TRIM2: variants seen among roughly 807,000 people sequenced by gnomAD.
TRIM2 encodes the protein tripartite motif-containing protein 2.
In TRIM2, 20 loss-of-function variants were observed where a neutral mutation model predicts 75.2. The observed-to-expected ratio is 0.27, with a 90% CI of 0.19 to 0.39. TRIM2 has a LOEUF of 0.39. Among genes scored for constraint, TRIM2 ranks in the 10% least tolerant of loss-of-function variants. TRIM2 has a pLI of 1.00. For synonymous variants in TRIM2, 373 were observed against 388.3 expected (o/e 0.96, Z 0.46); for missense variants, 660 against 990.8 (o/e 0.67, Z 4.48).
chr4:153,310,360 C>T (rs1335033177), intron 6 of TRIM2: 1 of 152,138 alleles, frequency 6.6e-6, no homozygotes, highest in Non-Finnish European at 1.5e-5. Context: ...AGAGAAGAGA[C>T]TTTCTACAAA....
chr4:153,276,300 G>T lies in TRIM2; in HGVS notation c.453+170G>T, dbSNP rs976582919. The T allele has an allele frequency of 8.1e-6, 5 of 617,262 alleles. No homozygotes were observed. In the African/African-American group the frequency reaches 9.2e-5, roughly 11 times the overall value. 38.2% of individuals were successfully genotyped at this position (617,262 alleles called of 1,614,324 possible). A position where few individuals can be genotyped will look rare whatever the true frequency, so the allele number is the denominator to read the frequency against. On this transcript the variant is annotated intron_variant, in intron 3 of 11. Coordinates refer to ENST00000338700, the MANE Select transcript of TRIM2 (RefSeq NM_015271.5). ...ACTACCTGCTCACTTTCTTTGACCA[G>T]AACTATTTAAATAACGAAATCAATC...
upstream of TRIM2, among the ~76,000 whole-genome samples, chr4:153,200,841 C>G (rs918743751): frequency 6.7e-6 from 1 of 148,296 alleles, no homozygotes; most frequent in African/African-American, 2.5e-5. Context: ...TAATAGAGAC[C>G]GGGTCTCACC....
chr4:153,164,878 T>G (rs982909193), intron 1 of TRIM2, among the ~76,000 whole-genome samples: 1 of 152,234 alleles, frequency 6.6e-6, no homozygotes, highest in Non-Finnish European at 1.5e-5. Context: ...GTCAAGTAGT[T>G]TACTATAGTT....
intron 1 of TRIM2, among the ~76,000 whole-genome samples, chr4:153,269,568 A>G (rs1756115009): frequency 2.0e-5 from 3 of 152,222 alleles, no homozygotes; most frequent in Non-Finnish European, 4.4e-5. Context: ...ACATATTTTG[A>G]TGTGACACAG....
intron 1 of TRIM2, among the ~76,000 whole-genome samples, chr4:153,212,102 T>C (rs1486770157): frequency 6.6e-6 from 1 of 152,134 alleles, no homozygotes; most frequent in Admixed American, 6.5e-5. Context: ...GCTTCAACCC[T>C]TATGAGAAAT....
chr4:153,264,163 T>C (rs1754315782), intron 1 of TRIM2, among the ~76,000 whole-genome samples: 1 of 152,208 alleles, frequency 6.6e-6, no homozygotes, highest in Non-Finnish European at 1.5e-5. Flanking sequence ...AGCTTCTTTG[T>C]AAGAGGTCTT....
intron 6 of TRIM2, among the ~76,000 whole-genome samples, chr4:153,310,978 T>C (rs935805656): frequency 6.6e-6 from 1 of 152,220 alleles, no homozygotes; most frequent in Non-Finnish European, 1.5e-5. Context: ...ATGGAACCTC[T>C]TTCCAGCAGT....
intron 8 of TRIM2, among the ~76,000 whole-genome samples, chr4:153,317,666 A>T (rs1318738833): frequency 3.9e-5 from 6 of 151,974 alleles, no homozygotes; most frequent in Admixed American, 3.9e-4. Flanking sequence ...AAAAAAAAAA[A>T]AAAAGATCTA....
At chr4:153,328,223 G>A (rs1188060230) in intron 10 of TRIM2, among the ~76,000 whole-genome samples, 1 of 152,088 alleles carries the variant, frequency 6.6e-6, no homozygotes, top group Non-Finnish European at 1.5e-5. Flanking sequence ...GAAAATTATA[G>A]CACTTCTTAC....
intron 1 of TRIM2, among the ~76,000 whole-genome samples, chr4:153,198,000 A>C (rs1388999679): frequency 6.6e-6 from 1 of 152,242 alleles, no homozygotes; most frequent in Non-Finnish European, 1.5e-5. Context: ...ATCTGCCAGC[A>C]CTTTAATCTT....
chr4:153,194,149 G>A (rs114050737), intron 1 of TRIM2, among the ~76,000 whole-genome samples: 1,565 of 152,290 alleles, frequency 0.01, 23 homozygotes, highest in African/African-American at 0.029. Context: ...TGTAATTTAA[G>A]AGTGAGATGG....
chr4:153,316,535 T>C (rs761403141), intron 8 of TRIM2, among the ~76,000 whole-genome samples: 3 of 152,128 alleles, frequency 2.0e-5, no homozygotes, highest in Non-Finnish European at 4.4e-5. Flanking sequence ...GAGTCGTACA[T>C]TGATACAATC....
chr4:153,331,700 A>AG (rs1771512688), intron 11 of TRIM2, among the ~76,000 whole-genome samples: 1 of 152,268 alleles, frequency 6.6e-6, no homozygotes, highest in Non-Finnish European at 1.5e-5. Context: ...ATAAATTGAG[A>AG]GGAATCACTC....
intron 10 of TRIM2, among the ~76,000 whole-genome samples, chr4:153,326,392 T>C (rs1413582042): frequency 6.6e-6 from 1 of 152,220 alleles, no homozygotes; most frequent in Non-Finnish European, 1.5e-5. Flanking sequence ...TCTCTTCTTT[T>C]TGACAACTAT....
At chr4:153,251,403 C>T (rs1226635112) in intron 1 of TRIM2, among the ~76,000 whole-genome samples, 1 of 152,244 alleles carries the variant, frequency 6.6e-6, no homozygotes, top group Non-Finnish European at 1.5e-5. Flanking sequence ...AATACTTCCT[C>T]TCCAGTTGCT....
chr4:153,264,169 G>T (rs939598149), intron 1 of TRIM2, among the ~76,000 whole-genome samples: 1 of 152,208 alleles, frequency 6.6e-6, no homozygotes, highest in Non-Finnish European at 1.5e-5. Context: ...TTTGTAAGAG[G>T]TCTTGCTGTT....
chr4:153,292,316 T>C (rs1471283456), intron 3 of TRIM2, among the ~76,000 whole-genome samples: 1 of 152,158 alleles, frequency 6.6e-6, no homozygotes, highest in Non-Finnish European at 1.5e-5. Flanking sequence ...TTCCCACAAA[T>C]TTTTTTGTTT....
At chr4:153,257,576 T>C in intron 1 of TRIM2, 2 of 1,289,836 alleles carry the variant, frequency 1.6e-6, no homozygotes, top group South Asian at 2.5e-5. Context: ...GCAGAAGATA[T>C]GCTGGGCTTC....
At chr4:153,228,903 CA>C (rs1742881260) in intron 1 of TRIM2, among the ~76,000 whole-genome samples, 1 of 152,142 alleles carries the variant, frequency 6.6e-6, no homozygotes, top group South Asian at 2.1e-4. Context: ...AATGGTGTCT[CA>C]ATCTAGTAAC....
Sources: allele counts gnomAD v4.1 joint callset (sites outside exome capture counted in the v4.1 genomes callset), GRCh38; gene constraint gnomAD v4.1.1; transcripts MANE v1.5; gene names NCBI Gene and HGNC (gene_info 2026-07-23, HGNC 2026-07-21).